Variants in DLG2 observed in about 807,000 individuals in gnomAD.
DLG2 encodes discs large MAGUK scaffold protein 2.
DLG2 carries 45 observed loss-of-function variants against 132.5 expected under a neutral mutation model. The ratio of observed to expected loss-of-function variants is 0.34; its 90% CI spans 0.27 to 0.44. The LOEUF (loss-of-function observed/expected upper bound fraction) is 0.44. DLG2 is among the 20% of genes least tolerant of loss of function. The probability of loss-of-function intolerance (pLI) is 1.00; values close to 1 mark genes in which losing one functional copy is unlikely to be tolerated. For synonymous variants in DLG2, 424 were observed against 419.6 expected (o/e 1.01, Z -0.13); for missense variants, 1,045 against 1,196.9 (o/e 0.87, Z 1.87).
chr11:85,375,046 T>C (rs924699630), intron 3 of DLG2, among the ~76,000 whole-genome samples: 5 of 152,136 alleles, frequency 3.3e-5, no homozygotes, highest in African/African-American at 1.2e-4. Context: ...TTTACTTCTT[T>C]ATTCCTTTTC....
At chr11:84,281,589 C>G (rs2097855411) in intron 7 of DLG2, among the ~76,000 whole-genome samples, 1 of 132,410 alleles carries the variant, frequency 7.6e-6, no homozygotes, top group Admixed American at 7.7e-5. Flanking sequence ...TATCCCTCCC[C>G]CCTCCCCCCA....
In DLG2 at chr11:83,668,838, AAC is replaced by A. The variant is rs199722258; in HGVS notation, c.1826-35515_1826-35514del. Among the ~76,000 whole-genome samples, 259 of 117,116 alleles carry A rather than the reference AAC, an allele frequency of 2.2e-3. 22 individuals are homozygous for A. The highest frequency in any genetic ancestry group is 3.1e-3 in the Admixed American group (40 of 12,896). The allele number at this position is 117,116 out of a possible 152,430, so 76.8% of individuals were successfully genotyped here. ...ATATAAACATATATATGTGTATATA[AAC>A]ACACACACACATATATATATATATA... On this transcript the variant is annotated intron_variant, in intron 18 of 27. Coordinates refer to ENST00000376104, the MANE Select transcript of DLG2 (RefSeq NM_001142699.3).
chr11:85,434,206 C>T (rs1413070034), intron 3 of DLG2, among the ~76,000 whole-genome samples: 2 of 152,004 alleles, frequency 1.3e-5, no homozygotes, highest in Non-Finnish European at 2.9e-5. Flanking sequence ...CCTAAATGCC[C>T]ACATCAGAAA....
intron 6 of DLG2, among the ~76,000 whole-genome samples, chr11:84,784,658 G>A (rs980043522): frequency 4.6e-5 from 7 of 152,012 alleles, no homozygotes; most frequent in Non-Finnish European, 1.0e-4. Flanking sequence ...AATAACTCTA[G>A]TACCAACAAA....
intron 7 of DLG2, among the ~76,000 whole-genome samples, chr11:84,335,999 T>C (rs1237788653): frequency 6.6e-6 from 1 of 152,242 alleles, no homozygotes; most frequent in Non-Finnish European, 1.5e-5. Context: ...TAAATTTTTA[T>C]TATTTTAATT....
At chr11:83,788,263 C>G (rs1396584916) in intron 17 of DLG2, among the ~76,000 whole-genome samples, 1 of 152,174 alleles carries the variant, frequency 6.6e-6, no homozygotes, top group Non-Finnish European at 1.5e-5. Flanking sequence ...ACATCATGAT[C>G]CTCTCATAAT....
rs552074958 is a variant in DLG2 at position 84,560,860 on chromosome 11, C to T, written c.358-26129G>A. Among the ~76,000 whole-genome samples the T allele has an allele frequency of 4.6e-4, 70 of 152,162 alleles. No homozygotes were observed. In the Middle Eastern group the frequency reaches 0.01, roughly 22 times the overall value. Reference sequence around the variant, plus strand: ...TGATATTTTGGAGTTAGAGTACTCACGCTTTTACAATGTGACTTGATACTG... The same window carrying T: ...TGATATTTTGGAGTTAGAGTACTCATGCTTTTACAATGTGACTTGATACTG... On this transcript the variant is annotated intron_variant, in intron 6 of 27. Transcript: ENST00000376104.
At chr11:83,943,422 C>T (rs1211399364) in intron 14 of DLG2, among the ~76,000 whole-genome samples, 1 of 152,162 alleles carries the variant, frequency 6.6e-6, no homozygotes, top group East Asian at 1.9e-4. Context: ...GTACTGTTTC[C>T]TTATTAATGA....
intron 12 of DLG2, among the ~76,000 whole-genome samples, chr11:83,978,824 G>A (rs2092519017): frequency 6.6e-6 from 1 of 152,042 alleles, no homozygotes; most frequent in Admixed American, 6.6e-5. Flanking sequence ...AAGGAGGAAA[G>A]GAAAGAACTG....
intron 6 of DLG2, among the ~76,000 whole-genome samples, chr11:84,736,040 T>C (rs952993529): frequency 6.6e-6 from 1 of 152,004 alleles, no homozygotes; most frequent in Non-Finnish European, 1.5e-5. Context: ...GTTTTACATT[T>C]TGAGCAATGA....
At chr11:83,490,391 A>G (rs1415677914) in intron 21 of DLG2, among the ~76,000 whole-genome samples, 2 of 152,088 alleles carry the variant, frequency 1.3e-5, no homozygotes, top group African/African-American at 4.8e-5. Flanking sequence ...GTAACTAAAA[A>G]TGGGATAAAA....
chr11:84,632,287 C>G (rs1485527004), intron 6 of DLG2, among the ~76,000 whole-genome samples: 1 of 151,342 alleles, frequency 6.6e-6, no homozygotes, highest in African/African-American at 2.4e-5. Context: ...CAGAAGCAGA[C>G]AAATCCTCAT....
At chr11:84,760,561 C>T (rs1274677908) in intron 6 of DLG2, among the ~76,000 whole-genome samples, 1 of 152,212 alleles carries the variant, frequency 6.6e-6, no homozygotes, top group Admixed American at 6.5e-5. Flanking sequence ...GCTTCTGCAG[C>T]GTTCTCCATA....
intron 6 of DLG2, among the ~76,000 whole-genome samples, chr11:85,059,341 G>C (rs1245295094): frequency 3.3e-5 from 5 of 151,132 alleles, no homozygotes; most frequent in African/African-American, 7.3e-5. Context: ...TAATCACTTT[G>C]GAAAACTCTA....
At chr11:84,136,819 G>A (rs1359612184) in intron 9 of DLG2, among the ~76,000 whole-genome samples, 3 of 152,072 alleles carry the variant, frequency 2.0e-5, no homozygotes, top group Admixed American at 6.6e-5. Flanking sequence ...CAATAAAACA[G>A]GAGATTCATT....
chr11:85,167,520 A>G (rs753331991), intron 4 of DLG2, among the ~76,000 whole-genome samples: 5 of 152,096 alleles, frequency 3.3e-5, no homozygotes, highest in Admixed American at 6.6e-5. Flanking sequence ...ATTCCAGAGG[A>G]ACCCTCCTAA....
intron 6 of DLG2, among the ~76,000 whole-genome samples, chr11:85,065,860 A>C (rs1342115537): frequency 1.3e-5 from 2 of 151,442 alleles, no homozygotes; most frequent in Non-Finnish European, 3.0e-5. Context: ...CCTATGTAAA[A>C]AAAATAGAAA....
intron 3 of DLG2, among the ~76,000 whole-genome samples, chr11:85,417,151 GA>G (rs2089936486): frequency 6.6e-6 from 1 of 152,158 alleles, no homozygotes; most frequent in South Asian, 2.1e-4. Flanking sequence ...TTTTTAGCAT[GA>G]AGTGGTGTTG....
chr11:85,583,356 G>A (rs963242622), intron 3 of DLG2, among the ~76,000 whole-genome samples: 65 of 146,972 alleles, frequency 4.4e-4, no homozygotes, highest in African/African-American at 1.7e-3. Flanking sequence ...TGCTCCTGTT[G>A]TTGTTGTTGT....
Sources: gnomAD v4.1 joint callset for allele counts (sites outside exome capture counted in the v4.1 genomes callset) on GRCh38, gnomAD v4.1.1 for gene constraint, MANE v1.5 for transcripts, NCBI Gene and HGNC (gene_info 2026-07-23, HGNC 2026-07-21) for gene names.